ILKAP: variants seen among roughly 807,000 people sequenced by gnomAD.
ILKAP encodes ILK associated serine/threonine phosphatase.
Under a neutral mutation model 49.1 loss-of-function variants are expected in ILKAP, and 11 were observed. The observed-to-expected ratio is 0.22, with a 90% CI of 0.14 to 0.37. The LOEUF (loss-of-function observed/expected upper bound fraction) is 0.37. Among genes scored for constraint, ILKAP ranks in the 10% least tolerant of loss-of-function variants. The pLI is 1.00. For missense variants in ILKAP, 363 were observed against 510.8 expected (o/e 0.71, Z 2.79); for synonymous variants, 186 against 192.8 (o/e 0.96, Z 0.29).
intron 5 of ILKAP, among the ~76,000 whole-genome samples, 153 bp downstream of exon 5, chr2:238,187,978 C>T (rs1311258156): frequency 2.6e-5 from 4 of 152,278 alleles, no homozygotes; most frequent in African/African-American, 7.2e-5. Flanking sequence ...GTCCCCTGGG[C>T]GGGGAGCAAA....
At chr2:238,178,799 TA>T (rs1353893818) in intron 9 of ILKAP, among the ~76,000 whole-genome samples, 6 of 137,812 alleles carry the variant, frequency 4.4e-5, no homozygotes, top group Non-Finnish European at 6.7e-5. Flanking sequence ...CAATTATTAT[TA>T]TTTTTTTTTA....
chr2:238,197,809 A>T (rs1694407333), intron 1 of ILKAP, among the ~76,000 whole-genome samples: 1 of 152,176 alleles, frequency 6.6e-6, no homozygotes, highest in African/African-American at 2.4e-5. Flanking sequence ...GGCTTCTAAA[A>T]ATGATAATAC....
At chr2:238,195,214 A>G (rs1284660078) in intron 1 of ILKAP, among the ~76,000 whole-genome samples, 2 of 152,178 alleles carry the variant, frequency 1.3e-5, no homozygotes, top group Non-Finnish European at 2.9e-5. Flanking sequence ...AATCCTGGGA[A>G]GAAAAAAACT....
At chr2:238,172,990 G>A (rs1418218234) in intron 10 of ILKAP, among the ~76,000 whole-genome samples, 1 of 152,174 alleles carries the variant, frequency 6.6e-6, no homozygotes, top group Non-Finnish European at 1.5e-5. Context: ...TAGGCATGGA[G>A]AACAGGAGAT....
chr2:238,201,416 A>G (rs988834182), intron 1 of ILKAP, among the ~76,000 whole-genome samples: 3 of 152,190 alleles, frequency 2.0e-5, no homozygotes, highest in Non-Finnish European at 4.4e-5. Context: ...ACACTCAGCC[A>G]AGCAGGACCT....
chr2:238,180,023 T>C (rs1045526917), intron 9 of ILKAP, among the ~76,000 whole-genome samples: 1 of 151,748 alleles, frequency 6.6e-6, no homozygotes, highest in Admixed American at 6.6e-5. Context: ...AATAAAAAAA[T>C]AGCCAGGCAC....
chr2:238,189,006 A>G (rs1183788560), intron 4 of ILKAP, among the ~76,000 whole-genome samples: 2 of 152,222 alleles, frequency 1.3e-5, no homozygotes, highest in Non-Finnish European at 1.5e-5. Flanking sequence ...GTGACAAAGG[A>G]CAATGCAGTC....
At chr2:238,186,586 A>C (rs1574794868) in intron 5 of ILKAP, 1 of 152,204 alleles carries the variant, frequency 6.6e-6, no homozygotes, top group African/African-American at 2.4e-5. Flanking sequence ...TTGTTACTCA[A>C]ATAAATTTTA....
At chr2:238,200,533 G>A (rs940863256) in intron 1 of ILKAP, among the ~76,000 whole-genome samples, 6 of 152,302 alleles carry the variant, frequency 3.9e-5, no homozygotes, top group Admixed American at 3.9e-4. Context: ...AACTGTTAAT[G>A]GCTCAGCCAG....
At chr2:238,194,587 AG>A (rs1205999292) in intron 2 of ILKAP, 3 of 609,460 alleles carry the variant, frequency 4.9e-6, no homozygotes, top group Non-Finnish European at 8.7e-6. Flanking sequence ...AATGAACCAG[AG>A]AAAACTGCTC....
chr2:238,173,681 C>T, intron 9 of ILKAP, 28 bp from the exon 10 acceptor site: 2 of 1,608,634 alleles, frequency 1.2e-6, no homozygotes, highest in South Asian at 1.1e-5. Flanking sequence ...ACATTTCAGA[C>T]TCTACCTGAC....
At position 238,194,830 on chromosome 2, in the gene ILKAP, G is replaced by C. The variant is rs748250985; in HGVS notation, c.96C>G (p.Leu32=). 6.2e-7 allele frequency: 1 copy of C among 1,614,068 alleles called. No individual in the cohort carries two copies. Among genetic ancestry groups the C allele is most frequent in the Non-Finnish European group, 8.5e-7 (1 of 1,180,024 alleles). Residue 32 remains leucine (L), a synonymous_variant, in exon 2 of 12, where the codon CTC becomes CTG. Transcript: ENST00000254654. ...AQKGPLLFDD[L]PPASSTDSGS... ...CTGAGTCAGTACTGCTGGCCGGAGG[G>C]AGGTCATCAAAGAGCAGGGGTCCTT...
intron 9 of ILKAP, among the ~76,000 whole-genome samples, chr2:238,181,263 G>C (rs771300352): frequency 1.5e-4 from 22 of 151,676 alleles, no homozygotes; most frequent in Non-Finnish European, 2.5e-4. Flanking sequence ...CTTATCTCTG[G>C]CAGAAAATAA....
At chr2:238,171,624 G>A (rs1343068876) in intron 10 of ILKAP, among the ~76,000 whole-genome samples, 2 of 152,168 alleles carry the variant, frequency 1.3e-5, no homozygotes, top group East Asian at 3.8e-4. Flanking sequence ...TACTTTCTTA[G>A]GCAAACTCCA....
intron 3 of ILKAP, among the ~76,000 whole-genome samples, chr2:238,190,840 G>C (rs941949307): frequency 1.6e-5 from 2 of 128,550 alleles, no homozygotes; most frequent in African/African-American, 6.0e-5. Context: ...CCAGGCATTT[G>C]AGACCTGCCT....
At position 238,183,822 on chromosome 2, in the gene ILKAP, A is replaced by C. The variant is rs1365210835; in HGVS notation, c.627-82T>G. On this transcript the variant is annotated intron_variant, in intron 7 of 11. Coordinates refer to ENST00000254654, the MANE Select transcript of ILKAP (RefSeq NM_030768.3). ...TAATTTCCAGAGCTCAATGGGAAGT[A>C]TCTTATATTTCAAAATGAACCATTT... 4.6e-6 allele frequency: 5 copies of C among 1,087,022 alleles called. No individual in the cohort carries two copies. In the East Asian group the frequency reaches 1.2e-4, roughly 26 times the overall value. 67.3% of individuals were successfully genotyped at this position (1,087,022 alleles called of 1,614,324 possible).
intron 1 of ILKAP, among the ~76,000 whole-genome samples, chr2:238,196,184 G>A (rs1301597348): frequency 2.1e-5 from 3 of 142,624 alleles, no homozygotes; most frequent in South Asian, 2.3e-4. Flanking sequence ...TCCACCTCCC[G>A]GGTTCAAGCT....
chr2:238,190,136 G>C (rs868500924), intron 3 of ILKAP, among the ~76,000 whole-genome samples, 164 bp from the exon 4 acceptor site: 3 of 152,094 alleles, frequency 2.0e-5, no homozygotes, highest in Non-Finnish European at 4.4e-5. Flanking sequence ...TGGCGGGGAG[G>C]GGGAGGGGGG....
At chr2:238,176,276 G>A (rs900470077) in intron 9 of ILKAP, among the ~76,000 whole-genome samples, 18 of 152,060 alleles carry the variant, frequency 1.2e-4, no homozygotes, top group African/African-American at 4.4e-4. Flanking sequence ...TGGGATTACA[G>A]GTGCCTGCCA....
Sources: gnomAD v4.1 joint callset for allele counts (sites outside exome capture counted in the v4.1 genomes callset) on GRCh38, gnomAD v4.1.1 for gene constraint, MANE v1.5 for transcripts, NCBI Gene and HGNC (gene_info 2026-07-23, HGNC 2026-07-21) for gene names.